The following DOCK5 variants were observed in gnomAD, a reference collection of about 807,000 sequenced individuals.
DOCK5 encodes dedicator of cytokinesis protein 5.
A neutral mutation model predicts 251.8 loss-of-function variants in DOCK5; 142 were observed. The observed-to-expected ratio is 0.56, with a 90% confidence interval of 0.49 to 0.65. The LOEUF is 0.65. Among genes scored for constraint, DOCK5 ranks in the 30% least tolerant of loss-of-function variants. DOCK5 has a pLI of 0.00. For missense variants in DOCK5, 2,111 were observed against 2,312.3 expected, an observed-to-expected ratio of 0.91 and a Z score of 1.79; for synonymous variants, 842 against 835.5, an observed-to-expected ratio of 1.01 and a Z score of -0.13.
intron 1 of DOCK5, among the ~76,000 whole-genome samples, chr8:25,214,240 C>T (rs1171721385): frequency 1.3e-5 from 2 of 152,098 alleles, no homozygotes; most frequent in Non-Finnish European, 2.9e-5. Context: ...CCCTCACTGA[C>T]CCCTCTGCTT....
rs751818495 is a variant in DOCK5 at position 25,374,631 on chromosome 8, C to G, written c.3793C>G (p.Leu1265Val). Residue 1265 changes from leucine to valine, a missense_variant, in exon 37 of 52, where the codon CTC becomes GTC. Around this residue, in one of 3 missense-constraint regions of DOCK5, gnomAD observed 1,717 missense variants for 1,892.4 expected, o/e 0.91. Coordinates refer to ENST00000276440, the MANE Select transcript of DOCK5 (RefSeq NM_024940.8). ...ENYTEAAYTL[L>V]LHAELLQWSD... ...CTACACAGAAGCTGCCTACACGCTT[C>G]TCTTGCACGCTGAGCTTCTGCAGGT... 3 of 1,613,938 alleles carry G rather than the reference C, an allele frequency of 1.9e-6. No homozygotes were observed. The East Asian group carries it at 6.7e-5, about 36-fold the overall frequency.
chr8:25,291,052 A>G (rs941798332), intron 5 of DOCK5, among the ~76,000 whole-genome samples: 2 of 152,138 alleles, frequency 1.3e-5, no homozygotes, highest in Non-Finnish European at 2.9e-5. Flanking sequence ...ATGGAAGGGA[A>G]CATAGATTGT....
chr8:25,189,046 CTTTTTTTTTTT>C (rs869176300), intron 1 of DOCK5, among the ~76,000 whole-genome samples: 1 of 33,438 alleles, frequency 3.0e-5, no homozygotes, highest in African/African-American at 6.7e-5. Context: ...TTCTTTCTTT[CTTTTTTTTTTT>C]TTTTTTTTTG....
Position 25,275,416 on chromosome 8 carries a change from AAAGAGGCAACTGTGG to A in DOCK5, c.204_218del (p.Glu68_Glu72del). 2 of 1,610,420 alleles carry A rather than the reference AAAGAGGCAACTGTGG, an allele frequency of 1.2e-6. No homozygotes were observed. Among genetic ancestry groups the A allele is most frequent in the Non-Finnish European group, 1.7e-6 (2 of 1,178,960 alleles). On this transcript the variant is annotated inframe_deletion, in exon 4 of 52. Coordinates refer to ENST00000276440, the MANE Select transcript of DOCK5 (RefSeq NM_024940.8). ...TTTCCCTGAAACATATATCCATTTG[AAAGAGGCAACTGTGG>A]AAGACCTGGGGTAAGTTCCAAGCTA...
At chr8:25,225,470 G>T (rs1319005824) in intron 1 of DOCK5, among the ~76,000 whole-genome samples, 1 of 152,166 alleles carries the variant, frequency 6.6e-6, no homozygotes, top group Admixed American at 6.5e-5. Flanking sequence ...ACTTCGGGAG[G>T]CCAAGGCAGG....
At chr8:25,406,326 A>G (rs558754716) in intron 48 of DOCK5, among the ~76,000 whole-genome samples, 14 of 152,314 alleles carry the variant, frequency 9.2e-5, no homozygotes, top group Middle Eastern at 3.4e-3. Flanking sequence ...TTAATTTAAT[A>G]TAGGTGATGA....
At chr8:25,202,200 A>G (rs915027237) in intron 1 of DOCK5, among the ~76,000 whole-genome samples, 7 of 151,882 alleles carry the variant, frequency 4.6e-5, no homozygotes, top group East Asian at 3.9e-4. Flanking sequence ...GTATTTTTAG[A>G]AGAGATAGGG....
chr8:25,377,833 C>T (rs560114473), intron 38 of DOCK5, among the ~76,000 whole-genome samples: 1 of 152,094 alleles, frequency 6.6e-6, no homozygotes, highest in Admixed American at 6.5e-5. Flanking sequence ...CTCGGGGCAC[C>T]TTCCCAGCAA....
At position 25,323,881 on chromosome 8, in the gene DOCK5, C is replaced by T. The variant is rs753921441; in HGVS notation, c.1649C>T (p.Ala550Val). 1.4e-5 allele frequency: 23 copies of T among 1,613,384 alleles called. No individual in the cohort carries two copies. Among genetic ancestry groups the T allele is most frequent in the African/African-American group, 2.7e-5 (2 of 74,902 alleles). ...RDKSERAFGVAFVKLMNPDGT... is the reference protein window; with the variant it reads ...RDKSERAFGVVFVKLMNPDGT... ...AAATCGGAGCGAGCATTTGGGGTGG[C>T]CTTCGTGAAGCTGATGAACCCGGAT... The change falls in exon 17 of 52, where the codon GCC (alanine) becomes GTC (valine). Residue 550 changes from alanine (A) to valine (V), a missense_variant. By Grantham distance (64) the Ala-to-Val change is moderately conservative (BLOSUM62 0). Coordinates refer to ENST00000276440, the MANE Select transcript of DOCK5 (RefSeq NM_024940.8).
chr8:25,356,415 T>C (rs2709616), intron 27 of DOCK5, among the ~76,000 whole-genome samples: 147,845 of 152,244 alleles, frequency 0.97, 71,930 homozygotes, highest in Middle Eastern at 1. Flanking sequence ...CCTGTGATCC[T>C]AGCACTTCGG....
intron 1 of DOCK5, among the ~76,000 whole-genome samples, chr8:25,231,075 T>A (rs1409874299): frequency 6.6e-6 from 1 of 152,116 alleles, no homozygotes; most frequent in Non-Finnish European, 1.5e-5. Flanking sequence ...CTTTTTTTTC[T>A]GTAGTTTTAT....
At chr8:25,352,493 T>A (rs1190558635) in intron 27 of DOCK5, among the ~76,000 whole-genome samples, 1 of 152,124 alleles carries the variant, frequency 6.6e-6, no homozygotes, top group African/African-American at 2.4e-5. Flanking sequence ...ATAGAGGCCA[T>A]AGGTAGCTGT....
At position 25,332,617 on chromosome 8, in the gene DOCK5, A is replaced by T. The variant is rs1457710678; in HGVS notation, c.2016A>T (p.Thr672=). The change falls in exon 20 of 52, where the codon ACA becomes ACT. Residue 672 remains threonine, a synonymous_variant. Coordinates refer to ENST00000276440, the MANE Select transcript of DOCK5 (RefSeq NM_024940.8). ...CTTATCTTCAGTTTTTGCAAGATAC[A>T]CTAGATGCACTCTTTAACATAATGA... is the stretch of plus-strand genomic sequence containing the variant. The part of the protein sequence containing the change: ...GGEIVKFLQD[T]LDALFNIMME... 4 of 1,610,768 alleles carry T rather than the reference A, an allele frequency of 2.5e-6. No individual in the cohort carries two copies. In the Admixed American group the frequency reaches 6.7e-5, roughly 27 times the overall value.
chr8:25,407,879 AAAAAAAAT>A, intron 48 of DOCK5, 96 bp from the exon 49 acceptor site: 1 of 1,320,356 alleles, frequency 7.6e-7, no homozygotes, highest in South Asian at 1.7e-5. Flanking sequence ...AAAAAAAAAA[AAAAAAAAT>A]AGCCTAAAGA....
At chr8:25,300,534 A>T in intron 8 of DOCK5, 42 bp from the exon 9 acceptor site, 1 of 1,551,040 alleles carries the variant, frequency 6.4e-7, no homozygotes, top group Non-Finnish European at 8.7e-7. Context: ...CTCCAACCCC[A>T]GTTAGCCTCT....
At chr8:25,289,238 C>T (rs1328988109) in intron 5 of DOCK5, among the ~76,000 whole-genome samples, 1 of 152,132 alleles carries the variant, frequency 6.6e-6, no homozygotes, top group Non-Finnish European at 1.5e-5. Flanking sequence ...CATAGAAGGA[C>T]ATCACTAGAG....
At chr8:25,396,773 TGTGTGTGTGTGTGTG>T (rs1801353365) in intron 45 of DOCK5, among the ~76,000 whole-genome samples, 2 of 74,272 alleles carry the variant, frequency 2.7e-5, no homozygotes, top group East Asian at 8.3e-4. Context: ...CGTGTGTGTG[TGTGTGTGTGTGTGTG>T]TGTGTGTGTG....
Position 25,355,944 on chromosome 8 carries a change from G to A in DOCK5, c.2851-3019G>A, listed in dbSNP as rs375923135. ...ATGGTGGCTCACGCCTGTAATCCCT[G>A]CACTTTGGGAGGCTGAGGCGGGCAG... On this transcript the variant is annotated intron_variant, in intron 27 of 51. Coordinates refer to ENST00000276440, the MANE Select transcript of DOCK5 (RefSeq NM_024940.8). 7.9e-5 allele frequency among the ~76,000 whole-genome samples: 12 copies of A among 151,782 alleles called. No individual in the cohort carries two copies. The South Asian group carries it at 2.3e-3, about 29-fold the overall frequency.
At chr8:25,337,986 T>C (rs1664740351) in intron 22 of DOCK5, among the ~76,000 whole-genome samples, 1 of 152,176 alleles carries the variant, frequency 6.6e-6, no homozygotes, top group East Asian at 1.9e-4. Flanking sequence ...TAAAGAAGAC[T>C]GGATAGATCA....
Sources: gnomAD v4.1 joint callset for allele counts (sites outside exome capture counted in the v4.1 genomes callset) on GRCh38, gnomAD v4.1.1 for gene constraint, gnomAD v4.1.1 regional missense constraint, MANE v1.5 for transcripts, NCBI Gene and HGNC (gene_info 2026-07-23, HGNC 2026-07-21) for gene names.